The following MAST4 variants were observed in gnomAD, a reference collection of about 807,000 sequenced individuals.
MAST4 encodes the protein microtubule-associated serine/threonine-protein kinase 4.
Under a neutral mutation model 162.7 loss-of-function variants are expected in MAST4, and 89 were observed. That is an observed-to-expected ratio of 0.55 (90% CI 0.46 to 0.65). MAST4 has a LOEUF of 0.65. Ranked by LOEUF, MAST4 falls within the 30% of genes least tolerant of loss-of-function variation. The pLI, the probability that MAST4 is intolerant of heterozygous loss-of-function variation, is 0.00. For missense variants in MAST4, 3,153 were observed against 3,374.0 expected, an observed-to-expected ratio of 0.93 and a Z score of 1.62; for synonymous variants, 1,479 against 1,361.1, an observed-to-expected ratio of 1.09 and a Z score of -1.91.
At chr5:66,715,812 A>G (rs367806257) in intron 1 of MAST4, among the ~76,000 whole-genome samples, 1 of 151,746 alleles carries the variant, frequency 6.6e-6, no homozygotes, top group East Asian at 1.9e-4. Flanking sequence ...ATTTATGGAT[A>G]CAGATATCAA....
chr5:66,844,070 T>A lies in MAST4; in HGVS notation c.642+55276T>A, dbSNP rs1580619645. The stretch of plus-strand genomic sequence containing the variant: ...TTCCCGTCATTGTCAGACACTTTCC[T>A]TAGGTTGTTCTAAACTGAAAGCTGG... On this transcript the variant is annotated intron_variant, in intron 3 of 28. Coordinates refer to ENST00000403625, the MANE Select transcript of MAST4 (RefSeq NM_001164664.2). Among the ~76,000 whole-genome samples the A allele has an allele frequency of 2.6e-5, 4 of 151,900 alleles. No homozygotes were observed. The East Asian group carries it at 7.8e-4, about 29-fold the overall frequency.
intron 4 of MAST4, among the ~76,000 whole-genome samples, chr5:67,027,362 A>G (rs1173233851): frequency 2.0e-5 from 3 of 152,200 alleles, no homozygotes; most frequent in Non-Finnish European, 4.4e-5. Flanking sequence ...GAATCTAGCC[A>G]AGTACCATAT....
chr5:66,847,773 A>G (rs538379677), intron 3 of MAST4, among the ~76,000 whole-genome samples: 2 of 131,296 alleles, frequency 1.5e-5, no homozygotes, highest in South Asian at 5.3e-4. Context: ...GTGAGCTGAG[A>G]TTGTGCCACT....
intron 1 of MAST4, among the ~76,000 whole-genome samples, chr5:66,605,475 A>G (rs1742824699): frequency 1.3e-5 from 2 of 152,166 alleles, no homozygotes; most frequent in Non-Finnish European, 2.9e-5. Flanking sequence ...TGAGCAGGAG[A>G]GCGAATGAGA....
intron 1 of MAST4, 139 bp downstream of exon 1, chr5:66,597,157 C>A: frequency 8.7e-7 from 1 of 1,146,534 alleles, no homozygotes. Context: ...GCCCCGAGCA[C>A]GGGACAACGA....
At chr5:67,040,424 A>T (rs1756596199) in intron 4 of MAST4, among the ~76,000 whole-genome samples, 1 of 152,132 alleles carries the variant, frequency 6.6e-6, no homozygotes, top group Non-Finnish European at 1.5e-5. Context: ...ATCTTTGAGA[A>T]TACACTGTGG....
intron 5 of MAST4, among the ~76,000 whole-genome samples, chr5:67,083,019 G>C (rs891650804): frequency 6.6e-6 from 1 of 152,168 alleles, no homozygotes; most frequent in African/African-American, 2.4e-5. Context: ...CCTGTTTATT[G>C]ATCTAAGGAA....
chr5:66,818,854 A>G (rs4700164), intron 3 of MAST4, among the ~76,000 whole-genome samples: 49,898 of 152,008 alleles, frequency 0.33, 8,430 homozygotes, highest in Non-Finnish European at 0.35. Flanking sequence ...TACTATTTTC[A>G]TGACCTTGGG....
intron 1 of MAST4, among the ~76,000 whole-genome samples, chr5:66,685,860 G>C (rs1001961797): frequency 2.6e-5 from 4 of 152,174 alleles, no homozygotes; most frequent in Admixed American, 2.6e-4. Flanking sequence ...GTGGAAGACA[G>C]TTTTTCCATA....
intron 4 of MAST4, chr5:66,959,301 A>G (rs754246387): frequency 2.6e-6 from 2 of 779,648 alleles, no homozygotes; most frequent in Middle Eastern, 2.3e-4. Flanking sequence ...TGGAGTAAGT[A>G]TTGTCTGTCT....
At position 66,818,884 on chromosome 5, in the gene MAST4, G is replaced by T. The variant is rs146296584; in HGVS notation, c.642+30090G>T. 4.1e-4 allele frequency among the ~76,000 whole-genome samples: 63 copies of T among 152,248 alleles called. 1 individual carries two copies. The highest frequency in any genetic ancestry group is 1.4e-3 in the African/African-American group (60 of 41,546). On this transcript the variant is annotated intron_variant, in intron 3 of 28. Transcript: ENST00000403625. ...CTTGGGCTCTTCTTGGAACCTCATT[G>T]TCTCACTTTCCTCATTGGTAAATTG...
intron 3 of MAST4, among the ~76,000 whole-genome samples, chr5:66,888,094 A>G (rs1762154676): frequency 6.6e-6 from 1 of 151,470 alleles, no homozygotes; most frequent in Non-Finnish European, 1.5e-5. Flanking sequence ...TACTTTAAAA[A>G]AACTGTACCC....
At chr5:66,969,639 A>G (rs568950587) in intron 4 of MAST4, among the ~76,000 whole-genome samples, 1 of 152,114 alleles carries the variant, frequency 6.6e-6, no homozygotes, top group Non-Finnish European at 1.5e-5. Context: ...CTGGGTATCC[A>G]TGGCTGCCTG....
At chr5:66,693,280 C>T (rs1159066356) in intron 1 of MAST4, among the ~76,000 whole-genome samples, 3 of 152,058 alleles carry the variant, frequency 2.0e-5, no homozygotes, top group Non-Finnish European at 4.4e-5. Flanking sequence ...GTGTTTGATA[C>T]AGTTTTACAG....
chr5:66,965,224 G>GTTTTTTTTTT (rs1561485927), intron 4 of MAST4, among the ~76,000 whole-genome samples: 1 of 72,426 alleles, frequency 1.4e-5, no homozygotes, highest in Non-Finnish European at 2.8e-5. Flanking sequence ...TTTTTTTTTT[G>GTTTTTTTTTT]CTTTTTTTTT....
chr5:67,101,054 G>A (rs1764972630), intron 8 of MAST4, among the ~76,000 whole-genome samples: 1 of 152,208 alleles, frequency 6.6e-6, no homozygotes, highest in Non-Finnish European at 1.5e-5. Flanking sequence ...TTAGGAGTTT[G>A]TGTCACCTGA....
intron 1 of MAST4, among the ~76,000 whole-genome samples, chr5:66,706,700 C>T (rs768014155): frequency 2.0e-5 from 3 of 151,924 alleles, no homozygotes; most frequent in African/African-American, 4.8e-5. Flanking sequence ...TTTTATTCTC[C>T]ATACCTGGCT....
intron 3 of MAST4, among the ~76,000 whole-genome samples, chr5:66,842,129 T>G (rs2149789716): frequency 6.6e-6 from 1 of 152,264 alleles, no homozygotes; most frequent in Middle Eastern, 3.4e-3. Context: ...AAACAGTAAC[T>G]CTTTGGAATA....
At chr5:66,867,927 G>A (rs575730224) in intron 3 of MAST4, among the ~76,000 whole-genome samples, 6 of 152,296 alleles carry the variant, frequency 3.9e-5, no homozygotes, top group Non-Finnish European at 8.8e-5. Context: ...GAGTCTGAAG[G>A]CTGTCATTTA....
Sources: allele counts gnomAD v4.1 joint callset (sites outside exome capture counted in the v4.1 genomes callset), GRCh38; gene constraint gnomAD v4.1.1; transcripts MANE v1.5; gene names NCBI Gene and HGNC (gene_info 2026-07-23, HGNC 2026-07-21).